The following TENM3 variants were observed in gnomAD, a reference collection of about 807,000 sequenced individuals.
TENM3 encodes the protein teneurin-3.
In TENM3, 63 loss-of-function variants were observed where a neutral mutation model predicts 255.1. The observed-to-expected ratio is 0.25, with a 90% CI of 0.20 to 0.30. The LOEUF (loss-of-function observed/expected upper bound fraction) is 0.30. Ranked by LOEUF, TENM3 falls within the 10% of genes least tolerant of loss-of-function variation. The probability of loss-of-function intolerance (pLI) is 1.00; values close to 1 mark genes in which losing one functional copy is unlikely to be tolerated. For synonymous variants in TENM3, 1,306 were observed against 1,322.3 expected (o/e 0.99, Z 0.27); for missense variants, 2,929 against 3,461.1 (o/e 0.85, Z 3.86).
At chr4:181,897,244 C>T in the TENM3 span, among the ~76,000 whole-genome samples, 1 of 152,162 alleles carries the variant, frequency 6.6e-6, no homozygotes, top group East Asian at 1.9e-4. Flanking sequence ...TATTTTGGCA[C>T]AAATGAAGGG....
At chr4:181,551,102 ACC>A in the TENM3 span, among the ~76,000 whole-genome samples, 7 of 151,990 alleles carry the variant, frequency 4.6e-5, 1 homozygote, top group South Asian at 1.0e-3. Context: ...TTTTTCCCCC[ACC>A]CCTGGGAAGC....
At chr4:181,787,856 C>T in the TENM3 span, among the ~76,000 whole-genome samples, 7 of 152,008 alleles carry the variant, frequency 4.6e-5, no homozygotes, top group African/African-American at 1.2e-4. Context: ...TAAAACCTAG[C>T]CAAGCGTGGT....
chr4:181,934,395 G>C, the TENM3 span, among the ~76,000 whole-genome samples: 4 of 152,084 alleles, frequency 2.6e-5, no homozygotes, highest in African/African-American at 7.2e-5. Flanking sequence ...TGGAAAGTAT[G>C]GTTAATCTAA....
chr4:182,594,337 G>A (rs895410275), intron 3 of TENM3, among the ~76,000 whole-genome samples: 3 of 151,946 alleles, frequency 2.0e-5, no homozygotes, highest in African/African-American at 7.3e-5. Context: ...TTTTCTACCT[G>A]TTAAAGCAAA....
the TENM3 span, among the ~76,000 whole-genome samples, chr4:182,107,811 G>A: frequency 6.6e-6 from 1 of 152,146 alleles, no homozygotes; most frequent in Non-Finnish European, 1.5e-5. Context: ...GAGGGGTTCA[G>A]TCAGAGCCAC....
chr4:181,583,302 A>G, the TENM3 span, among the ~76,000 whole-genome samples: 3 of 152,162 alleles, frequency 2.0e-5, no homozygotes, highest in South Asian at 2.1e-4. Context: ...CATATTACAA[A>G]CCATGTTTTT....
the TENM3 span, among the ~76,000 whole-genome samples, chr4:181,856,664 G>A: frequency 6.6e-6 from 1 of 152,164 alleles, no homozygotes; most frequent in South Asian, 2.1e-4. Context: ...TGACTTCTTG[G>A]TGTGGCGTGA....
the TENM3 span, among the ~76,000 whole-genome samples, chr4:181,882,407 C>G: frequency 6.6e-6 from 1 of 152,166 alleles, no homozygotes; most frequent in Non-Finnish European, 1.5e-5. Context: ...AATGTTGGAA[C>G]TTCCATTTCA....
the TENM3 span, among the ~76,000 whole-genome samples, chr4:181,569,415 T>C: frequency 6.6e-6 from 1 of 152,346 alleles, no homozygotes; most frequent in Admixed American, 6.5e-5. Context: ...CCTTTGTGTG[T>C]ACATTTTTAT....
chr4:182,080,717 C>G, the TENM3 span, among the ~76,000 whole-genome samples: 65 of 152,184 alleles, frequency 4.3e-4, no homozygotes, highest in African/African-American at 1.4e-3. Flanking sequence ...GCAGGCCCAG[C>G]ATGGTGGCTC....
At chr4:181,865,240 G>C in the TENM3 span, among the ~76,000 whole-genome samples, 1 of 152,320 alleles carries the variant, frequency 6.6e-6, no homozygotes, top group East Asian at 1.9e-4. Context: ...CTTACTAGCT[G>C]TTGTGAACAG....
the TENM3 span, among the ~76,000 whole-genome samples, chr4:181,725,570 C>T: frequency 1.8e-3 from 274 of 152,016 alleles, 1 homozygote; most frequent in Non-Finnish European, 1.7e-3. Flanking sequence ...TCCTGAGTAG[C>T]TGGGACTACA....
At chr4:182,271,795 C>T (rs1759648047) in intron 1 of TENM3, among the ~76,000 whole-genome samples, 2 of 152,194 alleles carry the variant, frequency 1.3e-5, no homozygotes, top group South Asian at 2.1e-4. Context: ...CCAAACCCCA[C>T]AAAGAAAGTC....
At position 182,722,178 on chromosome 4, in the gene TENM3, T is replaced by C. The variant is rs897221515; in HGVS notation, c.2369-6787T>C. Among the ~76,000 whole-genome samples the C allele has an allele frequency of 2.6e-5, 4 of 152,342 alleles. No individual in the cohort carries two copies. The South Asian group carries it at 8.3e-4, about 32-fold the overall frequency. ...TCATATAATTTCTTCTAATACTTTT[T>C]ATAATTCCATGGATTGCTTAATATT... On this transcript the variant is annotated intron_variant, in intron 13 of 27. Transcript: ENST00000511685.
chr4:182,541,878 G>A (rs1740912987), intron 3 of TENM3, among the ~76,000 whole-genome samples: 1 of 151,678 alleles, frequency 6.6e-6, no homozygotes, highest in South Asian at 2.1e-4. Flanking sequence ...GAGTAACATA[G>A]CAAGACCCCG....
intron 3 of TENM3, among the ~76,000 whole-genome samples, chr4:182,519,326 T>C (rs1178184767): frequency 6.6e-6 from 1 of 152,236 alleles, no homozygotes; most frequent in Non-Finnish European, 1.5e-5. Flanking sequence ...TACGATTATG[T>C]GTGTGGTTCA....
chr4:182,529,987 C>T (rs543341569), intron 3 of TENM3, among the ~76,000 whole-genome samples: 51 of 152,188 alleles, frequency 3.4e-4, no homozygotes, highest in African/African-American at 1.1e-3. Context: ...TATATGTAAG[C>T]GAGGTATCTT....
the TENM3 span, among the ~76,000 whole-genome samples, chr4:181,795,367 G>A: frequency 6.6e-6 from 1 of 152,086 alleles, no homozygotes; most frequent in South Asian, 2.1e-4. Flanking sequence ...CATCTCCCCT[G>A]TGTCTCTTCT....
At position 182,290,141 on chromosome 4, in the gene TENM3, G is replaced by A. The variant is rs77257125; in HGVS notation, c.-75-33805G>A. ...CCTGTGTCGCTGTGGACTAACTGGC[G>A]GGGCAGTGTCTTATTCTGTGTGTCT... On this transcript the variant is annotated intron_variant, in intron 1 of 27. Coordinates refer to ENST00000511685, the MANE Select transcript of TENM3 (RefSeq NM_001080477.4). Among the ~76,000 whole-genome samples, 33 of 152,288 alleles carry A rather than the reference G, an allele frequency of 2.2e-4. No individual in the cohort carries two copies. In the East Asian group the frequency reaches 6.0e-3, roughly 28 times the overall value.
Sources: gnomAD v4.1 joint callset for allele counts (sites outside exome capture counted in the v4.1 genomes callset) on GRCh38, gnomAD v4.1.1 for gene constraint, MANE v1.5 for transcripts, NCBI Gene and HGNC (gene_info 2026-07-23, HGNC 2026-07-21) for gene names.